Variants in SAMD3 observed in about 807,000 individuals in gnomAD.
SAMD3 encodes sterile alpha motif domain-containing protein 3.
In SAMD3, 63 loss-of-function variants were observed where a neutral mutation model predicts 58.5. The ratio of observed to expected loss-of-function variants is 1.08; its 90% CI spans 0.88 to 1.33. The LOEUF is 1.33. Among genes scored for constraint, SAMD3 ranks in the 40% most tolerant of loss-of-function variants. The pLI is 0.00. For synonymous variants in SAMD3, 220 were observed against 210.3 expected (o/e 1.05, Z -0.40); for missense variants, 604 against 608.4 (o/e 0.99, Z 0.08).
chr6:130,151,328 C>T, intron 9 of SAMD3, among the ~76,000 whole-genome samples: 1 of 152,196 alleles, frequency 6.6e-6, no homozygotes, highest in East Asian at 1.9e-4. Flanking sequence ...GCAGTTGCCT[C>T]ATACATATTT....
At chr6:130,267,441 A>C (rs1057367072) in intron 2 of SAMD3, among the ~76,000 whole-genome samples, 3 of 152,202 alleles carry the variant, frequency 2.0e-5, no homozygotes, top group Non-Finnish European at 4.4e-5. Context: ...AGGAAGACGT[A>C]AGTAGTGAAA....
intron 4 of SAMD3, among the ~76,000 whole-genome samples, chr6:130,210,174 C>T (rs1475546877): frequency 6.6e-6 from 1 of 152,164 alleles, no homozygotes; most frequent in Non-Finnish European, 1.5e-5. Context: ...GATTTTCTAC[C>T]AGTTTCAACA....
intron 1 of SAMD3, among the ~76,000 whole-genome samples, chr6:130,324,124 T>G (rs1438930775): frequency 6.6e-6 from 1 of 152,198 alleles, no homozygotes; most frequent in Non-Finnish European, 1.5e-5. Context: ...TCTTAACATT[T>G]TACATAGAGC....
At chr6:130,196,268 A>G (rs1401245516) in intron 5 of SAMD3, among the ~76,000 whole-genome samples, 2 of 152,076 alleles carry the variant, frequency 1.3e-5, no homozygotes, top group Non-Finnish European at 2.9e-5. Flanking sequence ...TCCAAAATCT[A>G]TCTTCTTCCT....
rs544875709 is a variant in SAMD3, at chr6:130,342,693, A to G, written c.-304+22427T>C. Among the ~76,000 whole-genome samples, 6 of 152,302 alleles carry G rather than the reference A, an allele frequency of 3.9e-5. No homozygotes were observed. The East Asian group carries it at 1.2e-3, about 29-fold the overall frequency. On this transcript the variant is annotated intron_variant, in intron 1 of 13. Coordinates refer to the SAMD3 transcript ENST00000368134. Reference sequence around the variant, plus strand: ...TATTAAAATAAAAGATTAGAAAGAAAATTGTTTAACCCAACACTTCATTGT... The same window carrying G: ...TATTAAAATAAAAGATTAGAAAGAAGATTGTTTAACCCAACACTTCATTGT...
chr6:130,297,807 T>G (rs1311594377), intron 2 of SAMD3, among the ~76,000 whole-genome samples: 1 of 152,178 alleles, frequency 6.6e-6, no homozygotes, highest in Non-Finnish European at 1.5e-5. Flanking sequence ...GCTGGTCTTT[T>G]GAATTCACCC....
chr6:130,244,663 C>T (rs1773476627), intron 2 of SAMD3, among the ~76,000 whole-genome samples: 1 of 151,856 alleles, frequency 6.6e-6, no homozygotes, highest in Admixed American at 6.6e-5. Flanking sequence ...TCGCCTGAAC[C>T]CAGGAGGTGG....
At chr6:130,198,724 C>A (rs1366032203) in intron 5 of SAMD3, among the ~76,000 whole-genome samples, 1 of 152,122 alleles carries the variant, frequency 6.6e-6, no homozygotes, top group East Asian at 1.9e-4. Context: ...GAGGTGGAAA[C>A]CTCTGGAAAC....
At position 130,342,850 on chromosome 6, in the gene SAMD3, G is replaced by C. The variant is rs543892249; in HGVS notation, c.-304+22270C>G. 2.0e-5 allele frequency among the ~76,000 whole-genome samples: 3 copies of C among 152,260 alleles called. No individual in the cohort carries two copies. The East Asian group carries it at 5.8e-4, about 29-fold the overall frequency. ...AATTCTCAAAGGCTTTATCTACAGA[G>C]TGTTAAAGGAAAGGAAGTGCTGCTG... On this transcript the variant is annotated intron_variant, in intron 1 of 13. Coordinates refer to the SAMD3 transcript ENST00000368134.
At chr6:130,145,974 C>A in intron 10 of SAMD3, 36 bp downstream of exon 10, 1 of 1,262,716 alleles carries the variant, frequency 7.9e-7, no homozygotes, top group Non-Finnish European at 1.0e-6. Flanking sequence ...TGATAAATAA[C>A]AGATGAAATC....
At chr6:130,270,667 G>T (rs2114935642) in intron 2 of SAMD3, among the ~76,000 whole-genome samples, 1 of 152,280 alleles carries the variant, frequency 6.6e-6, no homozygotes, top group African/African-American at 2.4e-5. Context: ...ATATTTTCAT[G>T]TGGCCTGCAT....
At chr6:130,144,276 C>A, downstream of SAMD3, 1 of 480,274 alleles carries the variant, frequency 2.1e-6, no homozygotes. Flanking sequence ...TATAACTTAA[C>A]TGCGGAATTT....
chr6:130,282,084 G>T (rs761042343), intron 2 of SAMD3, among the ~76,000 whole-genome samples: 6 of 152,014 alleles, frequency 3.9e-5, no homozygotes, highest in Non-Finnish European at 8.8e-5. Flanking sequence ...GTCTTACCTG[G>T]CTGAGGCCTT....
intron 1 of SAMD3, among the ~76,000 whole-genome samples, chr6:130,364,329 A>T (rs968008294): frequency 6.6e-6 from 1 of 151,988 alleles, no homozygotes; most frequent in Non-Finnish European, 1.5e-5. Context: ...TGGCTAGATG[A>T]CCATTTTAAA....
At chr6:130,182,052 A>G (rs534954394) in intron 7 of SAMD3, among the ~76,000 whole-genome samples, 116 of 141,280 alleles carry the variant, frequency 8.2e-4, no homozygotes, top group African/African-American at 2.9e-3. Flanking sequence ...GCGACAGAGC[A>G]AGACTCTGTC....
At chr6:130,308,402 TC>T (rs1482955834) in intron 2 of SAMD3, among the ~76,000 whole-genome samples, 36 of 146,762 alleles carry the variant, frequency 2.5e-4, no homozygotes, top group African/African-American at 8.5e-4. Context: ...TCTATTCTAT[TC>T]TATTCTATTC....
chr6:130,346,538 T>C (rs1291573486), intron 1 of SAMD3, among the ~76,000 whole-genome samples: 1 of 152,180 alleles, frequency 6.6e-6, no homozygotes, highest in Admixed American at 6.5e-5. Flanking sequence ...GCTCCGGCCA[T>C]TGCCCCATTG....
At chr6:130,329,831 T>C (rs953977769) in intron 1 of SAMD3, among the ~76,000 whole-genome samples, 4 of 146,040 alleles carry the variant, frequency 2.7e-5, no homozygotes, top group African/African-American at 1.0e-4. Context: ...AACCAAACAC[T>C]GCATGTTCTC....
chr6:130,312,498 TC>T (rs760479488), intron 2 of SAMD3, among the ~76,000 whole-genome samples: 3 of 152,166 alleles, frequency 2.0e-5, no homozygotes, highest in Non-Finnish European at 4.4e-5. Context: ...CATCTATGGG[TC>T]CAGGGCCAAT....
Sources: gnomAD v4.1 joint callset for allele counts (sites outside exome capture counted in the v4.1 genomes callset) on GRCh38, gnomAD v4.1.1 for gene constraint, MANE v1.5 for transcripts, NCBI Gene and HGNC (gene_info 2026-07-23, HGNC 2026-07-21) for gene names.